The following BRWD1 variants were observed in gnomAD, a reference collection of about 807,000 sequenced individuals.
BRWD1 encodes bromodomain and WD repeat-containing protein 1.
In BRWD1, 82 loss-of-function variants were observed where a neutral mutation model predicts 251.2. The ratio of observed to expected loss-of-function variants is 0.33; its 90% confidence interval spans 0.27 to 0.39. The LOEUF (loss-of-function observed/expected upper bound fraction) is 0.39. Among genes scored for constraint, BRWD1 ranks in the 10% least tolerant of loss-of-function variants. The pLI is 1.00. For missense variants in BRWD1, 2,233 were observed against 2,711.6 expected, an observed-to-expected ratio of 0.82 and a Z score of 3.92; for synonymous variants, 918 against 902.8, an observed-to-expected ratio of 1.02 and a Z score of -0.30.
chr21:39,305,374 T>C (rs2036253455), intron 4 of BRWD1, among the ~76,000 whole-genome samples: 1 of 152,204 alleles, frequency 6.6e-6, no homozygotes. Context: ...ATCCCTTAGA[T>C]ACAAATAACT....
At chr21:39,301,056 G>A (rs2036097297) in intron 4 of BRWD1, among the ~76,000 whole-genome samples, 1 of 152,060 alleles carries the variant, frequency 6.6e-6, no homozygotes, top group South Asian at 2.1e-4. Flanking sequence ...GCAGGTGCCT[G>A]TAGTCCCAGC....
chr21:39,234,729 G>A (rs1176745123), intron 23 of BRWD1, among the ~76,000 whole-genome samples: 3 of 152,064 alleles, frequency 2.0e-5, no homozygotes, highest in Non-Finnish European at 4.4e-5. Flanking sequence ...TCAGAAAACT[G>A]GGCTAAACAC....
chr21:39,255,590 A>T, intron 19 of BRWD1, 55 bp downstream of exon 19: 1 of 1,414,738 alleles, frequency 7.1e-7, no homozygotes. Flanking sequence ...GTAAATAACC[A>T]TATAAATATA....
chr21:39,212,812 A>G (rs2032719635), intron 33 of BRWD1, 105 bp from the exon 34 acceptor site: 1 of 745,704 alleles, frequency 1.3e-6, no homozygotes, highest in Non-Finnish European at 2.1e-6. Flanking sequence ...TACCAGAGTT[A>G]TAACATGTTA....
chr21:39,241,287 G>A lies in BRWD1; in HGVS notation c.2482-2714C>T, dbSNP rs889787945. On this transcript the variant is annotated intron_variant, in intron 21 of 40. Transcript: ENST00000342449. ...TCAAGACCAGCATGGCCAACATGGT[G>A]AAACCCTGTCTCTACCAAAAACATA... Among the ~76,000 whole-genome samples, 4 of 151,196 alleles carry A rather than the reference G, an allele frequency of 2.6e-5. No homozygotes were observed. The East Asian group carries it at 7.9e-4, about 30-fold the overall frequency.
At chr21:39,292,132 T>TGGGGGGG (rs1182694435) in intron 8 of BRWD1, among the ~76,000 whole-genome samples, 1 of 12,352 alleles carries the variant, frequency 8.1e-5, no homozygotes, top group African/African-American at 2.0e-4. Flanking sequence ...TGGGTGGGGG[T>TGGGGGGG]GGGGGGGGGG....
At chr21:39,303,110 CTTTA>C (rs1035209356) in intron 4 of BRWD1, among the ~76,000 whole-genome samples, 8 of 152,098 alleles carry the variant, frequency 5.3e-5, no homozygotes, top group Non-Finnish European at 7.3e-5. Flanking sequence ...ACAGTTATAA[CTTTA>C]TTTATTTGGG....
At chr21:39,221,836 G>A (rs1028712519) in intron 29 of BRWD1, among the ~76,000 whole-genome samples, 1 of 151,956 alleles carries the variant, frequency 6.6e-6, no homozygotes, top group Non-Finnish European at 1.5e-5. Flanking sequence ...CCTGGCAGGT[G>A]GAGGTTGCAG....
chr21:39,263,701 G>A (rs1370189092), intron 17 of BRWD1, among the ~76,000 whole-genome samples: 3 of 152,156 alleles, frequency 2.0e-5, no homozygotes, highest in South Asian at 2.1e-4. Context: ...AGTAACAACC[G>A]ATTCAGGCAA....
intron 2 of BRWD1, 68 bp downstream of exon 2, chr21:39,313,172 AC>A: frequency 1.3e-6 from 2 of 1,493,266 alleles, no homozygotes; most frequent in South Asian, 2.5e-5. Context: ...CCCGCCCACC[AC>A]CCGCGACCCC....
chr21:39,240,056 A>G (rs1452269611), intron 21 of BRWD1, among the ~76,000 whole-genome samples: 1 of 152,126 alleles, frequency 6.6e-6, no homozygotes, highest in African/African-American at 2.4e-5. Flanking sequence ...TCTGTGCTAA[A>G]AAAAACAAAC....
chr21:39,286,924 G>A (rs577856483), intron 8 of BRWD1, among the ~76,000 whole-genome samples: 4 of 152,202 alleles, frequency 2.6e-5, no homozygotes, highest in East Asian at 1.9e-4. Flanking sequence ...GATAAAAGTC[G>A]TAATAGTACC....
chr21:39,303,810 G>A (rs2036197356), intron 4 of BRWD1, among the ~76,000 whole-genome samples: 1 of 150,652 alleles, frequency 6.6e-6, no homozygotes, highest in African/African-American at 2.4e-5. Context: ...GTGACAGAGT[G>A]AGACCCTGTC....
At chr21:39,297,015 G>A (rs2035979678) in intron 5 of BRWD1, 3 of 985,212 alleles carry the variant, frequency 3.0e-6, no homozygotes, top group African/African-American at 3.5e-5. Context: ...TCCCTTCATT[G>A]TAGGATCACA....
intron 23 of BRWD1, among the ~76,000 whole-genome samples, chr21:39,233,534 AACAC>A (rs1021061312): frequency 6.6e-6 from 1 of 152,128 alleles, no homozygotes; most frequent in Non-Finnish European, 1.5e-5. Context: ...ACGTAGCAAT[AACAC>A]ACACACACAA....
rs2031768529 is a variant in BRWD1, at chr21:39,195,550, G to A, written c.*709C>T. 1 of 984,348 alleles carries A rather than the reference G, an allele frequency of 1.0e-6. No individual in the cohort carries two copies. The highest frequency in any genetic ancestry group is 1.7e-5 in the African/African-American group (1 of 57,150). The allele number at this position is 984,348 out of a possible 1,614,324, so 61.0% of individuals were successfully genotyped here. A position where few individuals can be genotyped will look rare whatever the true frequency, so the allele number is the denominator to read the frequency against. On this transcript the variant is annotated 3_prime_UTR_variant, in exon 41 of 41. Coordinates refer to ENST00000342449, the MANE Select transcript of BRWD1 (RefSeq NM_033656.4). The stretch of plus-strand genomic sequence containing the variant: ...CTCTGACTATGCTCTGGTCCTAGAG[G>A]TTTAAAACATGCACTCAAATCATTA...
At chr21:39,206,326 TAAG>T in intron 36 of BRWD1, 52 bp from the exon 37 acceptor site, 1 of 1,299,378 alleles carries the variant, frequency 7.7e-7, no homozygotes, top group South Asian at 1.4e-5. Flanking sequence ...TAAAAGTACT[TAAG>T]AAATAATTGT....
At chr21:39,291,677 C>G (rs975889585) in intron 8 of BRWD1, among the ~76,000 whole-genome samples, 1 of 152,218 alleles carries the variant, frequency 6.6e-6, no homozygotes, top group Non-Finnish European at 1.5e-5. Flanking sequence ...AAGGACCAAT[C>G]CTAACCCTGA....
At position 39,273,611 on chromosome 21, in the gene BRWD1, C is replaced by T. The variant is rs535858379; in HGVS notation, c.1244+763G>A. 1.2e-4 allele frequency among the ~76,000 whole-genome samples: 18 copies of T among 152,064 alleles called. No homozygotes were observed. In the South Asian group the frequency reaches 1.9e-3, roughly 16 times the overall value. On this transcript the variant is annotated intron_variant, in intron 13 of 40. Coordinates refer to ENST00000342449, the MANE Select transcript of BRWD1 (RefSeq NM_033656.4). ...TTAGCCAGGCATGGTGGCTCATGCTCATAGTCCCAGCTACTTGGAAGGCTG... is the reference window on the plus strand; with the variant it reads ...TTAGCCAGGCATGGTGGCTCATGCTTATAGTCCCAGCTACTTGGAAGGCTG...
Sources: gnomAD v4.1 joint callset for allele counts (sites outside exome capture counted in the v4.1 genomes callset) on GRCh38, gnomAD v4.1.1 for gene constraint, MANE v1.5 for transcripts, NCBI Gene and HGNC (gene_info 2026-07-23, HGNC 2026-07-21) for gene names.